Variants in LRRC37A2 observed in about 807,000 individuals in gnomAD.
LRRC37A2 encodes leucine rich repeat containing 37 member A2, also known as leucine-rich repeat-containing protein 37A2.
Under a neutral mutation model 68.8 loss-of-function variants are expected in LRRC37A2, and 9 were observed. The observed-to-expected ratio is 0.13, with a 90% CI of 0.08 to 0.23. The LOEUF is 0.23. Ranked by LOEUF, LRRC37A2 falls within the 10% of genes least tolerant of loss-of-function variation. The probability of loss-of-function intolerance (pLI) is 1.00; values close to 1 mark genes in which losing one functional copy is unlikely to be tolerated. For synonymous variants in LRRC37A2, 63 were observed against 367.6 expected, an observed-to-expected ratio of 0.17 and a Z score of 9.48; for missense variants, 168 against 950.4, an observed-to-expected ratio of 0.18 and a Z score of 10.82.
At chr17:47,027,319 C>A in the LRRC37A2 span, among the ~76,000 whole-genome samples, 2 of 152,096 alleles carry the variant, frequency 1.3e-5, no homozygotes, top group Non-Finnish European at 2.9e-5. Context: ...GTCTACTGCT[C>A]TCAGGAAAAA....
chr17:46,731,260 G>A, the LRRC37A2 span, among the ~76,000 whole-genome samples: 2 of 152,128 alleles, frequency 1.3e-5, no homozygotes, highest in Non-Finnish European at 2.9e-5. Context: ...GATGATTCCA[G>A]TTACATGAAA....
At chr17:46,833,054 G>A in the LRRC37A2 span, 1 of 335,350 alleles carries the variant, frequency 3.0e-6, no homozygotes. Flanking sequence ...CGCAGTGACT[G>A]CTGTGTCCCT....
chr17:46,923,075 G>A, the LRRC37A2 span: 1 of 749,448 alleles, frequency 1.3e-6, no homozygotes, highest in Non-Finnish European at 2.4e-6. Flanking sequence ...CGTGCGGGCA[G>A]CCCTGGCCGG....
chr17:46,872,823 GGGA>G, the LRRC37A2 span: 9 of 1,502,490 alleles, frequency 6.0e-6, no homozygotes, highest in South Asian at 1.3e-5. Flanking sequence ...GAAGCCTTCA[GGGA>G]GGAGGAGGCT....
chr17:46,678,390 A>G, the LRRC37A2 span, among the ~76,000 whole-genome samples: 1 of 120,694 alleles, frequency 8.3e-6, no homozygotes, highest in East Asian at 2.7e-4. Context: ...ATGAGTTTAA[A>G]TAGCAGGTTA....
the LRRC37A2 span, chr17:46,722,033 A>G: frequency 6.2e-7 from 1 of 1,609,322 alleles, no homozygotes; most frequent in Non-Finnish European, 8.5e-7. Context: ...GGCTGCCGTA[A>G]TATTCAGCTC....
Position 46,537,077 on chromosome 17 carries a change from ATTTTTTTTTTTT to A in LRRC37A2, c.2907-3081_2907-3070del, listed in dbSNP as rs766255014. The stretch of plus-strand genomic sequence containing the variant: ...GTTCTGAAAAAGTTTATTGTGGTCA[ATTTTTTTTTTTT>A]TTTTTTTTTTTTTTTTTGCTATTTT... On this transcript the variant is annotated intron_variant, in intron 6 of 14. Coordinates refer to ENST00000576629, the Ensembl canonical transcript of LRRC37A2. Among the ~76,000 whole-genome samples the A allele has an allele frequency of 0.011, 388 of 34,804 alleles. 20 individuals are homozygous for A. In the East Asian group the frequency reaches 0.15, roughly 14 times the overall value. 22.8% of individuals were successfully genotyped at this position (34,804 alleles called of 152,430 possible). A position where few individuals can be genotyped will look rare whatever the true frequency, so the allele number is the denominator to read the frequency against.
At chr17:46,763,621 C>A in the LRRC37A2 span, 3 of 152,110 alleles carry the variant, frequency 2.0e-5, no homozygotes, top group Non-Finnish European at 4.4e-5. Flanking sequence ...GATGGCTACT[C>A]CCTCACGGAC....
At chr17:47,035,998 T>TA in the LRRC37A2 span, among the ~76,000 whole-genome samples, 4 of 152,250 alleles carry the variant, frequency 2.6e-5, no homozygotes, top group Non-Finnish European at 5.9e-5. Flanking sequence ...TCTGCCCATT[T>TA]AAAAAATTGA....
the LRRC37A2 span, among the ~76,000 whole-genome samples, chr17:46,960,448 G>A: frequency 6.6e-6 from 1 of 152,204 alleles, no homozygotes; most frequent in African/African-American, 2.4e-5. Flanking sequence ...GTTTGGCAGT[G>A]TCTTACAGAG....
At chr17:46,904,718 T>A in the LRRC37A2 span, among the ~76,000 whole-genome samples, 2 of 152,126 alleles carry the variant, frequency 1.3e-5, no homozygotes, top group African/African-American at 4.8e-5. Context: ...CAGGTTAGAG[T>A]GGACTGAAGA....
the LRRC37A2 span, among the ~76,000 whole-genome samples, chr17:46,389,224 A>G: frequency 6.6e-6 from 1 of 151,758 alleles, no homozygotes; most frequent in African/African-American, 2.4e-5. Flanking sequence ...AATAAAAGCA[A>G]GCAAACAAAC....
At chr17:47,000,033 TAAAATAAAATAAAATAAAATAAAATA>T in the LRRC37A2 span, among the ~76,000 whole-genome samples, 1 of 21,364 alleles carries the variant, frequency 4.7e-5, no homozygotes, top group Non-Finnish European at 1.4e-4. Flanking sequence ...TAAAATAAAA[TAAAATAAAATAAAATAAAATAAAATA>T]AAATTAAAAT....
the LRRC37A2 span, among the ~76,000 whole-genome samples, chr17:46,605,993 T>C: frequency 4.0e-3 from 3 of 756 alleles, no homozygotes; most frequent in African/African-American, 0.018. Context: ...CTACTAAAAA[T>C]ACAAAAAAAA....
At chr17:46,785,623 G>A in the LRRC37A2 span, among the ~76,000 whole-genome samples, 44 of 152,344 alleles carry the variant, frequency 2.9e-4, no homozygotes, top group African/African-American at 1.0e-3. Context: ...TCAGGGCCAC[G>A]AGGGGCCTTC....
the LRRC37A2 span, chr17:47,018,522 G>C: frequency 6.6e-7 from 1 of 1,520,928 alleles, no homozygotes; most frequent in East Asian, 2.3e-5. Flanking sequence ...TCAGCTCTCA[G>C]GGTCAGGTAA....
At chr17:46,711,053 G>A in the LRRC37A2 span, 2 of 1,589,362 alleles carry the variant, frequency 1.3e-6, no homozygotes, top group Non-Finnish European at 1.7e-6. Flanking sequence ...TCTAGATGAT[G>A]GGGAGCTGCT....
chr17:47,034,985 A>AG, the LRRC37A2 span: 1 of 152,048 alleles, frequency 6.6e-6, no homozygotes, highest in South Asian at 2.1e-4. Flanking sequence ...GAATAGGAAG[A>AG]GGAGGGGGAT....
At chr17:46,865,683 A>G in the LRRC37A2 span, among the ~76,000 whole-genome samples, 1 of 152,148 alleles carries the variant, frequency 6.6e-6, no homozygotes, top group Non-Finnish European at 1.5e-5. Flanking sequence ...TGGCGTGATC[A>G]TGGCCCACTG....
Sources: allele counts gnomAD v4.1 joint callset (sites outside exome capture counted in the v4.1 genomes callset), GRCh38; gene constraint gnomAD v4.1.1; transcripts MANE v1.5; gene names NCBI Gene and HGNC (gene_info 2026-07-23, HGNC 2026-07-21).